The following FGB variants were observed in gnomAD, a reference collection of about 807,000 sequenced individuals.
The protein encoded by FGB is fibrinogen beta chain.
In FGB, 25 loss-of-function variants were observed where a neutral mutation model predicts 57.9. The ratio of observed to expected loss-of-function variants is 0.43; its 90% CI spans 0.31 to 0.60. The LOEUF (loss-of-function observed/expected upper bound fraction) is 0.60, where lower values mean the gene tolerates loss of function less well. Ranked by LOEUF, FGB falls within the 20% of genes least tolerant of loss-of-function variation. The probability of loss-of-function intolerance (pLI) is 0.08; values close to 1 mark genes in which losing one functional copy is unlikely to be tolerated. For synonymous variants in FGB, 203 were observed against 199.2 expected (o/e 1.02, Z -0.16); for missense variants, 536 against 598.4 (o/e 0.90, Z 1.09).
intron 3 of FGB, among the ~76,000 whole-genome samples, chr4:154,567,049 C>T (rs1730190848): frequency 6.6e-6 from 1 of 152,132 alleles, no homozygotes; most frequent in Admixed American, 6.5e-5. Context: ...ATAATGACAC[C>T]TAACCTGTGA....
chr4:154,570,377 C>A (rs764508231), intron 7 of FGB, 42 bp from the exon 8 acceptor site: 1 of 1,487,160 alleles, frequency 6.7e-7, no homozygotes. Context: ...ACTTGACCAC[C>A]GTAGTTCTGT....
rs200755352 is a variant in FGB at position 154,569,243 on chromosome 4, A to G, written c.894A>G (p.Pro298=). The stretch of plus-strand genomic sequence containing the variant: ...TTGACTTTGGCAGGAAATGGGATCC[A>G]TATAAACAGGGATTTGGAAATGTTG... ...GSVDFGRKWD[P]YKQGFGNVAT... Residue 298 remains proline (P), a synonymous_variant, in exon 6 of 8, where the codon CCA becomes CCG. Transcript: ENST00000302068. 80 of 1,614,174 alleles carry G rather than the reference A, an allele frequency of 5.0e-5. No homozygotes were observed. The East Asian group carries it at 1.4e-3, about 29-fold the overall frequency.
At chr4:154,569,097 T>C (rs1360047634) in intron 5 of FGB, 85 bp from the exon 6 acceptor site, 3 of 1,404,998 alleles carry the variant, frequency 2.1e-6, no homozygotes, top group African/African-American at 2.8e-5. Context: ...CTAAATGGAA[T>C]GGACAGGGGA....
chr4:154,565,756 T>G, intron 1 of FGB, 52 bp from the exon 2 acceptor site: 1 of 1,558,906 alleles, frequency 6.4e-7, no homozygotes, highest in African/African-American at 1.4e-5. Context: ...AATAGTTACA[T>G]TCCAAATCTT....
At chr4:154,570,019 G>A (rs1470446370) in intron 7 of FGB, among the ~76,000 whole-genome samples, 4 of 152,182 alleles carry the variant, frequency 2.6e-5, no homozygotes, top group African/African-American at 9.7e-5. Flanking sequence ...TTTGTCCAAT[G>A]TCACACAACT....
In FGB at chr4:154,566,005, T is replaced by C. The variant is rs763739053; in HGVS notation, c.306+6T>C. On this transcript the variant is annotated splice_donor_region_variant and intron_variant, in intron 2 of 7. Transcript: ENST00000302068. ...TTCACGCTGACCCAGACCTGGTGGG[T>C]GCACTGATGTTTCTTGCAGTGGTGG... 9 of 1,612,406 alleles carry C rather than the reference T, an allele frequency of 5.6e-6. No individual in the cohort carries two copies. In the South Asian group the frequency reaches 9.9e-5, roughly 18 times the overall value.
At chr4:154,564,510 T>G (rs909436447) in intron 1 of FGB, among the ~76,000 whole-genome samples, 3 of 152,136 alleles carry the variant, frequency 2.0e-5, no homozygotes, top group Non-Finnish European at 4.4e-5. Context: ...ATATTAAGAA[T>G]GTATATAGTC....
chr4:154,570,726 T>C lies in FGB; in HGVS notation c.*76T>C. ...ATTATGTTATTGGAATTTTCTTTCA[T>C]ACATTATATTCCTCTAAAACTCTCA... On this transcript the variant is annotated 3_prime_UTR_variant, in exon 8 of 8. Coordinates refer to ENST00000302068, the MANE Select transcript of FGB (RefSeq NM_005141.5). The C allele has an allele frequency of 1.8e-6, 2 of 1,101,586 alleles. No homozygotes were observed. The highest frequency in any genetic ancestry group is 1.4e-6 in the Non-Finnish European group (1 of 726,812). 68.2% of individuals were successfully genotyped at this position (1,101,586 alleles called of 1,614,324 possible).
intron 7 of FGB, among the ~76,000 whole-genome samples, chr4:154,570,095 C>T (rs1372146886): frequency 1.3e-5 from 2 of 152,040 alleles, no homozygotes; most frequent in African/African-American, 2.4e-5. Flanking sequence ...AGATAAATAC[C>T]TATATCTCTA....
Position 154,571,066 on chromosome 4 carries a change from A to C in FGB, c.*416A>C. The C allele has an allele frequency of 3.5e-6, 1 of 286,560 alleles. No individual in the cohort carries two copies. Among genetic ancestry groups the C allele is most frequent in the Non-Finnish European group, 6.7e-6 (1 of 149,380 alleles). The allele number at this position is 286,560 out of a possible 1,614,324, so 17.8% of individuals were successfully genotyped here. The stretch of plus-strand genomic sequence containing the variant: ...AACTTCCAAAAAGATTTATTAATTA[A>C]ACCAGACTCTGTTGCAATAAGTTAA... On this transcript the variant is annotated 3_prime_UTR_variant, in exon 8 of 8. Transcript: ENST00000302068.
At chr4:154,569,869 AT>A in intron 7 of FGB, 70 bp downstream of exon 7, 2 of 1,559,666 alleles carry the variant, frequency 1.3e-6, no homozygotes, top group Admixed American at 3.3e-5. Context: ...CATTAACAAT[AT>A]TTTTAATAGC....
chr4:154,565,471 A>T (rs1730115644), intron 1 of FGB: 1 of 311,364 alleles, frequency 3.2e-6, no homozygotes, highest in African/African-American at 2.2e-5. Flanking sequence ...GAGAATATTC[A>T]TTCTTCTTGA....
In FGB at chr4:154,568,362, T is replaced by C. The variant is rs199703229; in HGVS notation, c.719-19T>C. The stretch of plus-strand genomic sequence containing the variant: ...TTATGTCATAAACCCCTGAACATAA[T>C]GTTGTCTTACATTTGCAGAATGTGA... On this transcript the variant is annotated intron_variant, in intron 4 of 7. Transcript: ENST00000302068. 1 of 1,251,366 alleles carries C rather than the reference T, an allele frequency of 8.0e-7. No individual in the cohort carries two copies. The highest frequency in any genetic ancestry group is 1.2e-6 in the Non-Finnish European group (1 of 848,784). 77.5% of individuals were successfully genotyped at this position (1,251,366 alleles called of 1,614,324 possible). A position where few individuals can be genotyped will look rare whatever the true frequency, so the allele number is the denominator to read the frequency against.
intron 2 of FGB, 35 bp from the exon 3 acceptor site, chr4:154,566,454 C>T (rs749303315): frequency 5.0e-6 from 8 of 1,601,196 alleles, no homozygotes; most frequent in South Asian, 3.3e-5. Context: ...GACCCAAATC[C>T]TTCATCTAAT....
chr4:154,568,293 T>C (rs1367922258), intron 4 of FGB, 88 bp from the exon 5 acceptor site: 2 of 780,910 alleles, frequency 2.6e-6, no homozygotes, highest in Non-Finnish European at 4.7e-6. Context: ...CTTAGTAACT[T>C]ATGTAATGTT....
In FGB at chr4:154,572,289, T is replaced by G. The variant is rs1026178982; in HGVS notation, c.*1639T>G. Reference sequence around the variant, plus strand: ...TTTAAAAAATCCTGCACATGTGTCATGCTGGAGCCCTATTGATTCCAACAG... The same window carrying G: ...TTTAAAAAATCCTGCACATGTGTCAGGCTGGAGCCCTATTGATTCCAACAG... On this transcript the variant is annotated 3_prime_UTR_variant, in exon 8 of 8. Coordinates refer to ENST00000302068, the MANE Select transcript of FGB (RefSeq NM_005141.5). Among the ~76,000 whole-genome samples the G allele has an allele frequency of 6.6e-6, 1 of 152,164 alleles. No homozygotes were observed. Among genetic ancestry groups the G allele is most frequent in the African/African-American group, 2.4e-5 (1 of 41,430 alleles).
Position 154,569,294 on chromosome 4 carries a change from C to G in FGB, c.945C>G (p.Tyr315Ter). The G allele has an allele frequency of 1.2e-6, 2 of 1,614,082 alleles. No individual in the cohort carries two copies. Among genetic ancestry groups the G allele is most frequent in the Non-Finnish European group, 1.7e-6 (2 of 1,179,988 alleles). ...CAACCAACACAGATGGGAAGAATTA[C>G]TGTGGCCTACCAGGTAACGAACAGG... is the stretch of plus-strand genomic sequence containing the variant. ...NVATNTDGKN[Y>*]CGLPGEYWLG... Residue 315 changes from tyrosine to a stop codon, truncating the protein, a stop_gained, in exon 6 of 8, where the codon TAC (tyrosine) becomes TAG (stop). Transcript: ENST00000302068. LOFTEE classifies it high-confidence loss of function.
In FGB at chr4:154,568,500, C is replaced by A. The variant is rs759868537; in HGVS notation, c.832+6C>A. ...CATGAATACAGAAAATGGAGGTAAG[C>A]TTTCGACAGTTGTTGACCTGTTGAT... On this transcript the variant is annotated splice_donor_region_variant and intron_variant, in intron 5 of 7. Coordinates refer to ENST00000302068, the MANE Select transcript of FGB (RefSeq NM_005141.5). The A allele has an allele frequency of 2.5e-5, 35 of 1,390,266 alleles. No homozygotes were observed. Among genetic ancestry groups the A allele is most frequent in the Admixed American group, 1.3e-4 (8 of 59,700 alleles). The allele number at this position is 1,390,266 out of a possible 1,614,324, so 86.1% of individuals were successfully genotyped here. A position where few individuals can be genotyped will look rare whatever the true frequency, so the allele number is the denominator to read the frequency against.
At position 154,564,632 on chromosome 4, in the gene FGB, C is replaced by T. The variant is rs561281885; in HGVS notation, c.115-1176C>T. The stretch of plus-strand genomic sequence containing the variant: ...CTAATGAATAAATGACAATGCAATT[C>T]CAAATAGAGTTCATCTGATGACTTC... On this transcript the variant is annotated intron_variant, in intron 1 of 7. Coordinates refer to ENST00000302068, the MANE Select transcript of FGB (RefSeq NM_005141.5). 1.4e-4 allele frequency among the ~76,000 whole-genome samples: 21 copies of T among 152,076 alleles called. 2 individuals are homozygous for T. The South Asian group carries it at 4.4e-3, about 32-fold the overall frequency.
Sources: allele counts gnomAD v4.1 joint callset (sites outside exome capture counted in the v4.1 genomes callset), GRCh38; gene constraint gnomAD v4.1.1; transcripts MANE v1.5; gene names NCBI Gene and HGNC (gene_info 2026-07-23, HGNC 2026-07-21).